GPC6: variants seen among roughly 807,000 people sequenced by gnomAD.
The protein encoded by GPC6 is glypican 6.
GPC6 carries 14 observed loss-of-function variants against 55.2 expected under a neutral mutation model. The observed-to-expected ratio is 0.25, with a 90% CI of 0.17 to 0.40. GPC6 has a LOEUF of 0.40. Among genes scored for constraint, GPC6 ranks in the 10% least tolerant of loss-of-function variants. GPC6 has a pLI of 1.00. For synonymous variants in GPC6, 278 were observed against 259.6 expected (o/e 1.07, Z -0.68); for missense variants, 641 against 708.5 (o/e 0.90, Z 1.08).
chr13:94,186,059 C>CAAAAAA (rs776003680), intron 4 of GPC6, among the ~76,000 whole-genome samples: 13,434 of 62,444 alleles, frequency 0.22, 3,224 homozygotes, highest in Non-Finnish European at 0.24. Flanking sequence ...GACTCCGTCT[C>CAAAAAA]CAAAAAAAAA....
chr13:93,993,979 A>G (rs1318498955), intron 3 of GPC6, among the ~76,000 whole-genome samples: 1 of 152,176 alleles, frequency 6.6e-6, no homozygotes, highest in Non-Finnish European at 1.5e-5. Context: ...TTTCCCAGAT[A>G]TCAAATGATG....
At chr13:93,681,342 C>T (rs1292440445) in intron 2 of GPC6, among the ~76,000 whole-genome samples, 1 of 152,032 alleles carries the variant, frequency 6.6e-6, no homozygotes, top group Non-Finnish European at 1.5e-5. Flanking sequence ...CATTGTATTA[C>T]TTTTGATAAT....
At chr13:93,376,049 C>CTT (rs11362182) in intron 1 of GPC6, among the ~76,000 whole-genome samples, 2,192 of 137,744 alleles carry the variant, frequency 0.016, 47 homozygotes, top group African/African-American at 0.05. Context: ...GCATCTGGCA[C>CTT]TTTTTTTTTT....
chr13:94,053,175 C>T (rs993887983), intron 4 of GPC6, among the ~76,000 whole-genome samples: 6 of 152,084 alleles, frequency 3.9e-5, no homozygotes, highest in African/African-American at 1.4e-4. Context: ...ATGGTTTTTG[C>T]CACTCAATAT....
chr13:93,713,031 A>T (rs764825886), intron 2 of GPC6, among the ~76,000 whole-genome samples: 1 of 151,596 alleles, frequency 6.6e-6, no homozygotes, highest in South Asian at 2.1e-4. Context: ...ATATATATTT[A>T]TGTATGTATT....
intron 3 of GPC6, among the ~76,000 whole-genome samples, chr13:93,980,055 G>A (rs1275733986): frequency 1.3e-5 from 2 of 152,056 alleles, no homozygotes; most frequent in African/African-American, 2.4e-5. Flanking sequence ...ATGCTAAATG[G>A]ATTTGGACCA....
At chr13:93,861,984 C>T (rs1020089537) in intron 3 of GPC6, among the ~76,000 whole-genome samples, 1 of 151,640 alleles carries the variant, frequency 6.6e-6, no homozygotes, top group African/African-American at 2.4e-5. Flanking sequence ...TCATGAGTCA[C>T]CATGTCTGGA....
chr13:94,029,646 A>G (rs1464384013), intron 4 of GPC6, among the ~76,000 whole-genome samples: 3 of 152,184 alleles, frequency 2.0e-5, no homozygotes, highest in African/African-American at 7.2e-5. Flanking sequence ...AGCACAGTTC[A>G]GTTGGCTTCA....
intron 2 of GPC6, among the ~76,000 whole-genome samples, chr13:93,622,376 A>G (rs940724710): frequency 5.3e-5 from 8 of 152,300 alleles, no homozygotes; most frequent in African/African-American, 1.9e-4. Context: ...TCCATTGTGT[A>G]TACATGCCAC....
At chr13:93,386,452 G>A (rs1007642945) in intron 1 of GPC6, among the ~76,000 whole-genome samples, 3 of 151,864 alleles carry the variant, frequency 2.0e-5, no homozygotes, top group Non-Finnish European at 4.4e-5. Context: ...CTTGTTTCAT[G>A]TTAGTGTCTA....
intron 1 of GPC6, among the ~76,000 whole-genome samples, chr13:93,505,657 G>A (rs1880686156): frequency 6.6e-6 from 1 of 152,054 alleles, no homozygotes; most frequent in Admixed American, 6.6e-5. Flanking sequence ...AATCACCAAG[G>A]AAAAGCACAA....
intron 1 of GPC6, among the ~76,000 whole-genome samples, chr13:93,457,770 A>T (rs1256353201): frequency 2.0e-5 from 3 of 152,238 alleles, no homozygotes; most frequent in Non-Finnish European, 4.4e-5. Flanking sequence ...GACAAGAAAG[A>T]GGAGAACCAG....
chr13:93,656,649 C>A (rs1237246719), intron 2 of GPC6, among the ~76,000 whole-genome samples: 1 of 152,066 alleles, frequency 6.6e-6, no homozygotes, highest in Non-Finnish European at 1.5e-5. Context: ...TCAATCTGAA[C>A]TAGGGAGAAT....
At chr13:93,404,199 AAAAC>A (rs1876200217) in intron 1 of GPC6, among the ~76,000 whole-genome samples, 2 of 152,188 alleles carry the variant, frequency 1.3e-5, no homozygotes, top group African/African-American at 4.8e-5. Context: ...ACTAAAAAAT[AAAAC>A]AAACCAACTA....
At chr13:93,479,608 A>ACCCCC (rs35932826) in intron 1 of GPC6, among the ~76,000 whole-genome samples, 22 of 141,064 alleles carry the variant, frequency 1.6e-4, no homozygotes, top group African/African-American at 4.9e-4. Flanking sequence ...ACGTGGTGAG[A>ACCCCC]CCCCCCCCCA....
At chr13:93,585,105 C>T (rs951447638) in intron 2 of GPC6, among the ~76,000 whole-genome samples, 5 of 152,260 alleles carry the variant, frequency 3.3e-5, no homozygotes, top group East Asian at 3.9e-4. Context: ...AATGCTGGTT[C>T]GTGCTGCTAG....
intron 3 of GPC6, among the ~76,000 whole-genome samples, chr13:93,891,814 T>A (rs1357299152): frequency 6.6e-6 from 1 of 152,006 alleles, no homozygotes; most frequent in Non-Finnish European, 1.5e-5. Context: ...GCTTAGTATA[T>A]CTGTCATACA....
chr13:93,300,593 A>G (rs191779759), intron 1 of GPC6, among the ~76,000 whole-genome samples: 1,824 of 147,528 alleles, frequency 0.012, 30 homozygotes, highest in African/African-American at 0.043. Flanking sequence ...GCTTGCAGTG[A>G]GCTGAGATCA....
intron 2 of GPC6, among the ~76,000 whole-genome samples, chr13:93,647,212 A>G (rs1388177360): frequency 6.6e-6 from 1 of 152,164 alleles, no homozygotes; most frequent in Non-Finnish European, 1.5e-5. Flanking sequence ...TAAGACTGAA[A>G]ATATTCTTGT....
Sources: gnomAD v4.1 joint callset for allele counts (sites outside exome capture counted in the v4.1 genomes callset) on GRCh38, gnomAD v4.1.1 for gene constraint, MANE v1.5 for transcripts, NCBI Gene and HGNC (gene_info 2026-07-23, HGNC 2026-07-21) for gene names.